Variants in CCNY observed in about 807,000 individuals in gnomAD.
CCNY encodes cyclin-Y.
Under a neutral mutation model 42.8 loss-of-function variants are expected in CCNY, and 19 were observed. The observed-to-expected ratio is 0.44, with a 90% CI of 0.31 to 0.65. The LOEUF (loss-of-function observed/expected upper bound fraction) is 0.65, where lower values mean the gene tolerates loss of function less well. Among genes scored for constraint, CCNY ranks in the 30% least tolerant of loss-of-function variants. The probability of loss-of-function intolerance (pLI) is 0.07; values close to 1 mark genes in which losing one functional copy is unlikely to be tolerated. For missense variants in CCNY, 370 were observed against 437.3 expected, an observed-to-expected ratio of 0.85 and a Z score of 1.37; for synonymous variants, 165 against 162.7, an observed-to-expected ratio of 1.01 and a Z score of -0.11.
intron 1 of CCNY, among the ~76,000 whole-genome samples, chr10:35,359,124 C>G (rs142336182): frequency 3.9e-5 from 6 of 152,348 alleles, no homozygotes; most frequent in Middle Eastern, 3.4e-3. Flanking sequence ...TTCCCCTGTA[C>G]TTCTTTGGAC....
At chr10:35,423,809 G>C (rs1254736921) in intron 1 of CCNY, among the ~76,000 whole-genome samples, 1 of 152,162 alleles carries the variant, frequency 6.6e-6, no homozygotes, top group East Asian at 1.9e-4. Flanking sequence ...TCTCAAATTT[G>C]CTTATTCCGA....
chr10:35,453,667 A>ATT (rs1197837511), intron 1 of CCNY, among the ~76,000 whole-genome samples: 14 of 152,218 alleles, frequency 9.2e-5, no homozygotes, highest in Non-Finnish European at 1.9e-4. Flanking sequence ...ACTCCTTTAA[A>ATT]TTACTTCTTT....
At chr10:35,550,515 C>T (rs898244492) in intron 7 of CCNY, among the ~76,000 whole-genome samples, 12 of 152,014 alleles carry the variant, frequency 7.9e-5, no homozygotes, top group African/African-American at 2.7e-4. Flanking sequence ...ACTCCCTTGC[C>T]CTTCTCTCCC....
At chr10:35,416,703 C>T (rs1038728289) in intron 1 of CCNY, among the ~76,000 whole-genome samples, 12 of 152,060 alleles carry the variant, frequency 7.9e-5, no homozygotes, top group Middle Eastern at 3.2e-3. Flanking sequence ...TGGTTGTGAA[C>T]GTGAGCAACC....
intron 1 of CCNY, among the ~76,000 whole-genome samples, chr10:35,382,677 A>G (rs1837214475): frequency 6.6e-6 from 1 of 152,120 alleles, no homozygotes; most frequent in African/African-American, 2.4e-5. Flanking sequence ...GTTGTCCAGT[A>G]GTGCTGAGCT....
intron 1 of CCNY, among the ~76,000 whole-genome samples, chr10:35,340,503 TC>T (rs1836153341): frequency 6.6e-6 from 1 of 150,976 alleles, no homozygotes; most frequent in African/African-American, 2.4e-5. Context: ...GCAACTTCAT[TC>T]TTTTTTTTTT....
intron 3 of CCNY, among the ~76,000 whole-genome samples, chr10:35,307,155 C>G (rs146591528): frequency 1.3e-5 from 2 of 152,124 alleles, no homozygotes; most frequent in African/African-American, 4.8e-5. Context: ...TCAGGGATGA[C>G]GACAGCAAGC....
chr10:35,507,791 AG>A (rs1280022310), intron 3 of CCNY, among the ~76,000 whole-genome samples: 19 of 53,584 alleles, frequency 3.5e-4, no homozygotes, highest in Non-Finnish European at 9.9e-4. Context: ...ATACAGGGCC[AG>A]TTTTTTTTTT....
chr10:35,294,810 G>T (rs1042891146), intron 3 of CCNY, among the ~76,000 whole-genome samples: 6 of 152,172 alleles, frequency 3.9e-5, no homozygotes, highest in Non-Finnish European at 7.4e-5. Flanking sequence ...AGTTGGTGAA[G>T]AATTGGTATT....
rs887228707 is a variant in CCNY at position 35,446,082 on chromosome 10, C to T, written c.155-37322C>T. 4.6e-5 allele frequency among the ~76,000 whole-genome samples: 7 copies of T among 152,222 alleles called. No individual in the cohort carries two copies. In the East Asian group the frequency reaches 9.7e-4, roughly 21 times the overall value. Reference sequence around the variant, plus strand: ...AAACATTTTGTGGTTATTTGTCTCACGGGAGGATTAAACACAGGAAATTTG... The same window carrying T: ...AAACATTTTGTGGTTATTTGTCTCATGGGAGGATTAAACACAGGAAATTTG... On this transcript the variant is annotated intron_variant, in intron 1 of 9. Coordinates refer to ENST00000374704, the MANE Select transcript of CCNY (RefSeq NM_145012.6).
intron 3 of CCNY, among the ~76,000 whole-genome samples, chr10:35,264,657 G>C (rs565660890): frequency 6.6e-6 from 1 of 151,834 alleles, no homozygotes; most frequent in East Asian, 1.9e-4. Context: ...TTTTTGTTTT[G>C]TTTTGTTTTG....
rs945763828 is a variant in CCNY at position 35,519,387 on chromosome 10, A to T, written c.365+2764A>T. ...TATACTGTGGGTATCTGGATTTTTA[A>T]CAGATCTTGATTGAATCTGGCTGAG... On this transcript the variant is annotated intron_variant, in intron 4 of 9. Transcript: ENST00000374704. Among the ~76,000 whole-genome samples the T allele has an allele frequency of 7.9e-5, 12 of 152,006 alleles. No homozygotes were observed. In the South Asian group the frequency reaches 8.3e-4, roughly 11 times the overall value.
intron 7 of CCNY, among the ~76,000 whole-genome samples, chr10:35,533,613 CAG>C (rs1170336331): frequency 3.3e-5 from 5 of 152,204 alleles, no homozygotes; most frequent in African/African-American, 1.2e-4. Context: ...AAGGGCACAT[CAG>C]GGGGCTGTTG....
At chr10:35,520,256 A>G (rs1840520984) in intron 4 of CCNY, among the ~76,000 whole-genome samples, 1 of 152,204 alleles carries the variant, frequency 6.6e-6, no homozygotes, top group Non-Finnish European at 1.5e-5. Flanking sequence ...ATGAGAGGAA[A>G]GGGATACTCA....
rs146283200 is a variant in CCNY, at chr10:35,300,819, T to A, written c.-9+50193T>A. 4.2e-4 allele frequency among the ~76,000 whole-genome samples: 63 copies of A among 151,668 alleles called. 1 individual carries two copies. In the East Asian group the frequency reaches 0.011, roughly 27 times the overall value. On this transcript the variant is annotated intron_variant, in intron 3 of 11. Coordinates refer to the CCNY transcript ENST00000374706. ...TCATTCCATTATTATTATTATTATTTTTGAGATGGAGTTTTGCTCTTGTCA... is the reference window on the plus strand; with the variant it reads ...TCATTCCATTATTATTATTATTATTATTGAGATGGAGTTTTGCTCTTGTCA...
chr10:35,384,483 T>G (rs1225116225), intron 1 of CCNY, among the ~76,000 whole-genome samples: 1 of 152,234 alleles, frequency 6.6e-6, no homozygotes, highest in Non-Finnish European at 1.5e-5. Flanking sequence ...AGTAGCTATC[T>G]ACGTAGGAAC....
At chr10:35,529,910 T>G in intron 5 of CCNY, 63 bp from the exon 6 acceptor site, 1 of 1,423,996 alleles carries the variant, frequency 7.0e-7, no homozygotes, top group Non-Finnish European at 9.8e-7. Flanking sequence ...AATGTATTTT[T>G]GTTTTATTTG....
rs150725314 is a variant in CCNY, at chr10:35,488,537, C to A, written c.229+5059C>A. ...CTTTCTCCAGCTGCCCTCAGTTGCT[C>A]GGTGTGTCTCCTTCAGGGCATGTCA... On this transcript the variant is annotated intron_variant, in intron 2 of 9. Coordinates refer to ENST00000374704, the MANE Select transcript of CCNY (RefSeq NM_145012.6). Among the ~76,000 whole-genome samples the A allele has an allele frequency of 6.5e-3, 992 of 152,160 alleles. 15 individuals carry two copies. The highest frequency in any genetic ancestry group is 0.023 in the African/African-American group (948 of 41,448).
intron 3 of CCNY, among the ~76,000 whole-genome samples, chr10:35,323,554 T>C (rs923057340): frequency 2.0e-5 from 3 of 152,136 alleles, no homozygotes; most frequent in African/African-American, 7.2e-5. Context: ...TTTTATAAGA[T>C]CACATTTTTA....
Sources: allele counts gnomAD v4.1 joint callset (sites outside exome capture counted in the v4.1 genomes callset), GRCh38; gene constraint gnomAD v4.1.1; transcripts MANE v1.5; gene names NCBI Gene and HGNC (gene_info 2026-07-23, HGNC 2026-07-21).